The following KCND3 variants were observed in gnomAD, a reference collection of about 807,000 sequenced individuals.
KCND3 encodes the protein potassium voltage-gated channel subfamily D member 3.
In KCND3, 9 loss-of-function variants were observed where a neutral mutation model predicts 51.1. The observed-to-expected ratio is 0.18, with a 90% CI of 0.11 to 0.31. KCND3 has a LOEUF of 0.31. KCND3 is among the 10% of genes least tolerant of loss of function. The pLI, the probability that KCND3 is intolerant of heterozygous loss-of-function variation, is 1.00. For synonymous variants in KCND3, 349 were observed against 368.0 expected, an observed-to-expected ratio of 0.95 and a Z score of 0.59; for missense variants, 526 against 903.8, an observed-to-expected ratio of 0.58 and a Z score of 5.36.
At position 111,780,931 on chromosome 1, in the gene KCND3, T is replaced by C; in HGVS notation, c.1270-140A>G. 1 of 733,876 alleles carries C rather than the reference T, an allele frequency of 1.4e-6. No homozygotes were observed. The highest frequency in any genetic ancestry group is 1.5e-5 in the South Asian group (1 of 67,394). The allele number at this position is 733,876 out of a possible 1,614,324, so 45.5% of individuals were successfully genotyped here. ...CTGTTTCTCTCCAACCTCATGCATC[T>C]CCAGTTGTGTACCCACTTTGTATAG... On this transcript the variant is annotated intron_variant, in intron 3 of 7. Coordinates refer to ENST00000302127, the MANE Select transcript of KCND3 (RefSeq NM_001378969.1). The surrounding 1 kb of genome is among the most constrained non-coding windows in gnomAD (Gnocchi z 4.2).
intron 2 of KCND3, among the ~76,000 whole-genome samples, chr1:111,843,910 C>T (rs1667437738): frequency 6.6e-6 from 1 of 152,108 alleles, no homozygotes; most frequent in Admixed American, 6.5e-5. Flanking sequence ...GTTTTATGTT[C>T]TCTGGGACTT....
At chr1:111,921,290 G>A (rs1237104525) in intron 2 of KCND3, among the ~76,000 whole-genome samples, 4 of 152,170 alleles carry the variant, frequency 2.6e-5, no homozygotes, top group African/African-American at 9.7e-5. Context: ...TTTTACAGCC[G>A]TACAGCATAA....
intron 2 of KCND3, among the ~76,000 whole-genome samples, chr1:111,946,224 T>C (rs1180228955): frequency 1.3e-5 from 2 of 152,196 alleles, no homozygotes; most frequent in African/African-American, 4.8e-5. Context: ...AGGTGACTCA[T>C]AATGTCCTGT....
At chr1:111,928,970 C>T (rs1265860295) in intron 2 of KCND3, among the ~76,000 whole-genome samples, 1 of 152,226 alleles carries the variant, frequency 6.6e-6, no homozygotes, top group Non-Finnish European at 1.5e-5. Context: ...TTAATAGAGC[C>T]TCCTGCAAAC....
At chr1:111,946,288 T>G (rs1672774476) in intron 2 of KCND3, among the ~76,000 whole-genome samples, 1 of 152,172 alleles carries the variant, frequency 6.6e-6, no homozygotes, top group Admixed American at 6.5e-5. Flanking sequence ...AAAGGCTCCA[T>G]AATTCCTAGT....
chr1:111,968,815 GA>G (rs948799411), intron 2 of KCND3, among the ~76,000 whole-genome samples: 2 of 152,150 alleles, frequency 1.3e-5, no homozygotes, highest in African/African-American at 4.8e-5. Flanking sequence ...AGTGGACTAG[GA>G]GGGGATCGGC....
chr1:111,916,089 T>C (rs536135472), intron 2 of KCND3, among the ~76,000 whole-genome samples: 1 of 152,166 alleles, frequency 6.6e-6, no homozygotes, highest in Admixed American at 6.5e-5. Context: ...TAACTGACAT[T>C]ACTAGAACAC....
At chr1:111,954,714 C>T (rs1276295507) in intron 2 of KCND3, among the ~76,000 whole-genome samples, 1 of 152,220 alleles carries the variant, frequency 6.6e-6, no homozygotes, top group Admixed American at 6.5e-5. Context: ...CTTTAACCTC[C>T]AATGTCCATT....
rs1286403980 is a variant in KCND3 at position 111,772,459 on chromosome 1, T to G, written c.*3618A>C. ...ACGTATTGACATATAAGACTATGTC[T>G]CCAATTACAGTATGGATTCTTTGAT... On this transcript the variant is annotated 3_prime_UTR_variant, in exon 8 of 8. Transcript: ENST00000302127. 6.6e-6 allele frequency: 1 copy of G among 152,234 alleles called. No individual in the cohort carries two copies. The highest frequency in any genetic ancestry group is 1.5e-5 in the Non-Finnish European group (1 of 68,036). 9.4% of individuals were successfully genotyped at this position (152,234 alleles called of 1,614,324 possible).
intron 2 of KCND3, among the ~76,000 whole-genome samples, chr1:111,951,960 T>C (rs1673082806): frequency 6.6e-6 from 1 of 152,186 alleles, no homozygotes; most frequent in African/African-American, 2.4e-5. Context: ...GAGAAGAGAA[T>C]GTTTCAGGGT....
chr1:111,898,137 C>T (rs1483859594), intron 2 of KCND3, among the ~76,000 whole-genome samples: 2 of 152,148 alleles, frequency 1.3e-5, no homozygotes, highest in Non-Finnish European at 2.9e-5. Flanking sequence ...AAAACAGGGA[C>T]CACAACAGTA....
chr1:111,968,515 A>G (rs1454889380), intron 2 of KCND3, among the ~76,000 whole-genome samples: 1 of 152,246 alleles, frequency 6.6e-6, no homozygotes, highest in Non-Finnish European at 1.5e-5. Context: ...AGAAAGATCC[A>G]TACCTGGTGA....
intron 2 of KCND3, among the ~76,000 whole-genome samples, chr1:111,833,130 T>C (rs1488026497): frequency 2.0e-5 from 3 of 152,264 alleles, no homozygotes; most frequent in Non-Finnish European, 4.4e-5. Context: ...TTGCCAGTTT[T>C]GACATCTCTG....
intron 2 of KCND3, among the ~76,000 whole-genome samples, chr1:111,965,405 T>G (rs1673910477): frequency 8.4e-6 from 1 of 118,406 alleles, no homozygotes; most frequent in Non-Finnish European, 1.7e-5. Context: ...GAGAACTCCC[T>G]CCTCCCTCCC....
chr1:111,803,966 T>A (rs1352555971), intron 2 of KCND3, among the ~76,000 whole-genome samples: 2 of 152,200 alleles, frequency 1.3e-5, no homozygotes. Flanking sequence ...CCAACTAGAT[T>A]CTTGCTTCTT....
At chr1:111,862,380 T>C (rs1410505476) in intron 2 of KCND3, among the ~76,000 whole-genome samples, 1 of 152,258 alleles carries the variant, frequency 6.6e-6, no homozygotes, top group Non-Finnish European at 1.5e-5. Context: ...ACAAAGTGAA[T>C]GGCCATGGGC....
At chr1:111,948,837 G>A (rs1180424157) in intron 2 of KCND3, among the ~76,000 whole-genome samples, 1 of 152,056 alleles carries the variant, frequency 6.6e-6, no homozygotes, top group Non-Finnish European at 1.5e-5. Context: ...AGGCGAGAAG[G>A]GAAGGGCTTC....
At chr1:111,904,478 T>C (rs1012000712) in intron 2 of KCND3, among the ~76,000 whole-genome samples, 5 of 152,214 alleles carry the variant, frequency 3.3e-5, no homozygotes, top group African/African-American at 1.2e-4. Flanking sequence ...TGTGTTCTTT[T>C]AACCCTCTCT....
chr1:111,955,333 G>C (rs1673274547), intron 2 of KCND3, among the ~76,000 whole-genome samples: 2 of 152,132 alleles, frequency 1.3e-5, no homozygotes, highest in Admixed American at 6.5e-5. Context: ...AGGACTGCTA[G>C]AGCCCAGGAG....
Sources: allele counts gnomAD v4.1 joint callset (sites outside exome capture counted in the v4.1 genomes callset), GRCh38; gene constraint gnomAD v4.1.1; non-coding constraint Gnocchi (gnomAD v3.1); transcripts MANE v1.5; gene names NCBI Gene and HGNC (gene_info 2026-07-23, HGNC 2026-07-21).